Variants in RCBTB2 observed in about 807,000 individuals in gnomAD.
RCBTB2 encodes RCC1 and BTB domain containing protein 2.
Under a neutral mutation model 65.4 loss-of-function variants are expected in RCBTB2, and 55 were observed. That is an observed-to-expected ratio of 0.84 (90% CI 0.68 to 1.05). RCBTB2 has a LOEUF of 1.05. Among genes scored for constraint, RCBTB2 ranks in the 50% least tolerant of loss-of-function variants. The probability of loss-of-function intolerance (pLI) is 0.00; values close to 1 mark genes in which losing one functional copy is unlikely to be tolerated. For synonymous variants in RCBTB2, 220 were observed against 255.2 expected, an observed-to-expected ratio of 0.86 and a Z score of 1.31; for missense variants, 599 against 680.1, an observed-to-expected ratio of 0.88 and a Z score of 1.33.
chr13:48,515,131 C>A, intron 6 of RCBTB2, 74 bp downstream of exon 6: 1 of 1,386,596 alleles, frequency 7.2e-7, no homozygotes, highest in Non-Finnish European at 1.0e-6. Context: ...GCTAGCAACT[C>A]TCAACCAATT....
intron 10 of RCBTB2, among the ~76,000 whole-genome samples, chr13:48,509,042 T>C (rs187770525): frequency 1.3e-5 from 2 of 152,206 alleles, no homozygotes; most frequent in Admixed American, 6.5e-5. Flanking sequence ...TAAAAAGTAA[T>C]GGGCCAGGCC....
rs757670679 is a variant in RCBTB2 at position 48,512,085 on chromosome 13, T to C, written c.606A>G (p.Leu202=). 2 of 1,614,136 alleles carry C rather than the reference T, an allele frequency of 1.2e-6. No individual in the cohort carries two copies. Among genetic ancestry groups the C allele is most frequent in the Non-Finnish European group, 1.7e-6 (2 of 1,180,042 alleles). The change falls in exon 8 of 15, where the codon CTA becomes CTG. Residue 202 remains leucine (L), a synonymous_variant. Transcript: ENST00000344532. ...QPIPRRVTGC[L]QNKVVVTIAC... is the part of the protein sequence containing the mutation. ...CTATGGTCACAACTACTTTATTTTGTAGGCAGCCAGTGACTCTTCGAGGGA... is the reference window on the plus strand; with the variant it reads ...CTATGGTCACAACTACTTTATTTTGCAGGCAGCCAGTGACTCTTCGAGGGA...
At chr13:48,518,836 C>G (rs1566315441) in intron 4 of RCBTB2, among the ~76,000 whole-genome samples, 1 of 152,132 alleles carries the variant, frequency 6.6e-6, no homozygotes, top group Non-Finnish European at 1.5e-5. Context: ...CTTTAAATTA[C>G]CCCACCACCC....
chr13:48,512,128 G>A lies in RCBTB2; in HGVS notation c.563C>T (p.Ser188Leu), dbSNP rs543278946. Residue 188 changes from serine (S) to leucine (L), a missense_variant, in exon 8 of 15, where the codon TCA (serine) becomes TTA (leucine). By Grantham distance (145) the Ser-to-Leu change is moderately radical. Coordinates refer to ENST00000344532, the MANE Select transcript of RCBTB2 (RefSeq NM_001268.4). Reference sequence around the variant, plus strand: ...TCGAGGGATTGGCTGATTAACTGTTGATCCAGATCCTACCTGCCCAGAGTT... The same window carrying A: ...TCGAGGGATTGGCTGATTAACTGTTAATCCAGATCCTACCTGCCCAGAGTT... ...YNNSGQVGSG[S>L]TVNQPIPRRV... is the part of the protein sequence containing the mutation. 2 of 1,613,962 alleles carry A rather than the reference G, an allele frequency of 1.2e-6. No homozygotes were observed. Among genetic ancestry groups the A allele is most frequent in the Admixed American group, 3.3e-5 (2 of 60,002 alleles).
chr13:48,532,660 C>T (rs948612618), intron 1 of RCBTB2: 3 of 248,640 alleles, frequency 1.2e-5, no homozygotes, highest in Non-Finnish European at 2.4e-5. Flanking sequence ...GCGACCCCTA[C>T]CAGAGGACTC....
Position 48,489,916 on chromosome 13 carries a change from C to A in RCBTB2, c.*195G>T, listed in dbSNP as rs1006872517. The A allele has an allele frequency of 2.7e-5, 17 of 627,774 alleles. No homozygotes were observed. The Admixed American group carries it at 5.1e-4, about 19-fold the overall frequency. 38.9% of individuals were successfully genotyped at this position (627,774 alleles called of 1,614,324 possible). A position where few individuals can be genotyped will look rare whatever the true frequency, so the allele number is the denominator to read the frequency against. ...TTCCTTGACCTTAGTCACATCTGATCAGAACATTCAATGCTTTCTACATAA... is the reference window on the plus strand; with the variant it reads ...TTCCTTGACCTTAGTCACATCTGATAAGAACATTCAATGCTTTCTACATAA... On this transcript the variant is annotated 3_prime_UTR_variant, in exon 15 of 15. Transcript: ENST00000344532.
At chr13:48,504,559 T>C (rs1438200733) in intron 10 of RCBTB2, among the ~76,000 whole-genome samples, 1 of 152,198 alleles carries the variant, frequency 6.6e-6, no homozygotes, top group African/African-American at 2.4e-5. Context: ...GCACTTCCTG[T>C]CCACACCATT....
At chr13:48,505,520 C>A (rs1950457411) in intron 10 of RCBTB2, among the ~76,000 whole-genome samples, 1 of 152,156 alleles carries the variant, frequency 6.6e-6, no homozygotes. Context: ...CAGCATCATT[C>A]TTTTCAACAA....
rs983290556 is a variant in RCBTB2 at position 48,489,674 on chromosome 13, A to G, written c.*437T>C. 6.3e-6 allele frequency: 1 copy of G among 158,160 alleles called. No individual in the cohort carries two copies. The highest frequency in any genetic ancestry group is 2.4e-5 in the African/African-American group (1 of 41,522). 9.8% of individuals were successfully genotyped at this position (158,160 alleles called of 1,614,324 possible). A position where few individuals can be genotyped will look rare whatever the true frequency, so the allele number is the denominator to read the frequency against. On this transcript the variant is annotated 3_prime_UTR_variant, in exon 15 of 15. Transcript: ENST00000344532. ...TCTCAGGACATACTGAAGATTTATA[A>G]TAAATTGAGTGCCTATTATACACAA...
At chr13:48,518,476 T>C (rs550348440) in intron 4 of RCBTB2, among the ~76,000 whole-genome samples, 2 of 134,358 alleles carry the variant, frequency 1.5e-5, no homozygotes, top group Non-Finnish European at 3.1e-5. Context: ...AAAAAAAATA[T>C]ATATATATAT....
At chr13:48,491,299 ATTTTC>A (rs9332065) in intron 14 of RCBTB2, among the ~76,000 whole-genome samples, 8,886 of 152,196 alleles carry the variant, frequency 0.058, 581 homozygotes, top group African/African-American at 0.16. Context: ...CCTACGGTAC[ATTTTC>A]TTTTAAGAAA....
rs71186310 is a variant in RCBTB2, at chr13:48,527,369, G to GATATATATATATATC, written c.-218-2613_-218-2612insGATATATATATATAT. Among the ~76,000 whole-genome samples the GATATATATATATATC allele has an allele frequency of 6.3e-3, 629 of 99,764 alleles. 34 individuals carry two copies. The East Asian group carries it at 0.074, about 12-fold the overall frequency. 65.4% of individuals were successfully genotyped at this position (99,764 alleles called of 152,430 possible). Reference sequence around the variant, plus strand: ...ATATATATGATATATATTTATATATGATATATATATATGATATATATTTAT... The same window carrying GATATATATATATATC: ...ATATATATGATATATATTTATATATGATATATATATATATCATATATATATATGATATATATTTAT... On this transcript the variant is annotated intron_variant, in intron 1 of 14. Transcript: ENST00000344532.
At chr13:48,507,195 G>A (rs976537156) in intron 10 of RCBTB2, among the ~76,000 whole-genome samples, 4 of 152,224 alleles carry the variant, frequency 2.6e-5, no homozygotes, top group Non-Finnish European at 4.4e-5. Context: ...GGGGTGGGGC[G>A]CGGATTTGGT....
chr13:48,512,208 T>C (rs748798725), intron 7 of RCBTB2, 34 bp from the exon 8 acceptor site: 1 of 1,587,354 alleles, frequency 6.3e-7, no homozygotes, highest in South Asian at 1.1e-5. Flanking sequence ...ATGAAACAGA[T>C]TAATTTATAA....
chr13:48,533,259 C>G, upstream of RCBTB2: 1 of 303,600 alleles, frequency 3.3e-6, no homozygotes, highest in South Asian at 2.3e-5. Flanking sequence ...CGCCGCCCCT[C>G]CCCTTTCTCG....
Position 48,490,162 on chromosome 13 carries a change from G to A in RCBTB2, c.1605C>T (p.Leu535=). Residue 535 remains leucine, a synonymous_variant, in exon 15 of 15, where the codon CTC becomes CTT. Transcript: ENST00000344532. ...TSGFAEMDHD[L]LKNFISKASR... ...TTGCTTTGCTGATAAAGTTCTTCAG[G>A]AGATCATGGTCCATTTCTGCAAAAC... The A allele has an allele frequency of 6.2e-7, 1 of 1,614,094 alleles. No individual in the cohort carries two copies. The highest frequency in any genetic ancestry group is 1.1e-5 in the South Asian group (1 of 91,068).
At chr13:48,519,682 C>T (rs1242117553) in intron 4 of RCBTB2, among the ~76,000 whole-genome samples, 1 of 152,132 alleles carries the variant, frequency 6.6e-6, no homozygotes, top group African/African-American at 2.4e-5. Context: ...TCAAGGAGGT[C>T]ACAATTTAAT....
intron 1 of RCBTB2, among the ~76,000 whole-genome samples, chr13:48,531,728 T>C (rs1046328816): frequency 6.6e-6 from 1 of 152,248 alleles, no homozygotes; most frequent in Non-Finnish European, 1.5e-5. Context: ...ATAAAGAGAT[T>C]ACGTTTCACC....
In RCBTB2 at chr13:48,518,472, AATAT is replaced by A. The variant is rs779789935; in HGVS notation, c.43-2735_43-2732del. On this transcript the variant is annotated intron_variant, in intron 4 of 14. Transcript: ENST00000344532. ...AGAGTACTTTGCAAAAAAAAAAAAAAATATATATATATATATATATATATTTACC... is the reference window on the plus strand; with the variant it reads ...AGAGTACTTTGCAAAAAAAAAAAAAAATATATATATATATATATATTTACC... 3.2e-3 allele frequency among the ~76,000 whole-genome samples: 371 copies of A among 116,588 alleles called. 1 individual carries two copies. The highest frequency in any genetic ancestry group is 5.4e-3 in the African/African-American group (144 of 26,562). The allele number at this position is 116,588 out of a possible 152,430, so 76.5% of individuals were successfully genotyped here.
Sources: gnomAD v4.1 joint callset for allele counts (sites outside exome capture counted in the v4.1 genomes callset) on GRCh38, gnomAD v4.1.1 for gene constraint, MANE v1.5 for transcripts, NCBI Gene and HGNC (gene_info 2026-07-23, HGNC 2026-07-21) for gene names.